MGA: variants seen among roughly 807,000 people sequenced by gnomAD.
MGA encodes MAX dimerization protein MGA.
A neutral mutation model predicts 261.1 loss-of-function variants in MGA; 40 were observed. The observed-to-expected ratio is 0.15, with a 90% confidence interval of 0.12 to 0.20. The LOEUF is 0.20. Ranked by LOEUF, MGA falls within the 10% of genes least tolerant of loss-of-function variation. MGA has a pLI of 1.00. For synonymous variants in MGA, 1,302 were observed against 1,290.6 expected, an observed-to-expected ratio of 1.01 and a Z score of -0.19; for missense variants, 3,397 against 3,630.5, an observed-to-expected ratio of 0.94 and a Z score of 1.65.
chr15:41,656,617 T>TCCCAAAG (rs951267723), upstream of MGA, among the ~76,000 whole-genome samples: 7 of 151,976 alleles, frequency 4.6e-5, no homozygotes, highest in Non-Finnish European at 8.8e-5. Flanking sequence ...CACCTCAGCC[T>TCCCAAAG]CCCAAAGTTC....
At chr15:41,673,540 CTTTTTTTTTTT>C (rs777334913) in intron 2 of MGA, among the ~76,000 whole-genome samples, 3 of 118,940 alleles carry the variant, frequency 2.5e-5, no homozygotes, top group African/African-American at 9.2e-5. Flanking sequence ...TTCTTTCTTT[CTTTTTTTTTTT>C]TTTTTTTTGA....
intron 1 of MGA, among the ~76,000 whole-genome samples, chr15:41,666,727 C>G (rs2057761812): frequency 6.6e-6 from 1 of 152,320 alleles, no homozygotes; most frequent in South Asian, 2.1e-4. Context: ...TAACATTCCA[C>G]TCTATGGATG....
chr15:41,747,939 C>A (rs373585283), intron 15 of MGA, among the ~76,000 whole-genome samples: 2 of 152,142 alleles, frequency 1.3e-5, no homozygotes, highest in African/African-American at 2.4e-5. Flanking sequence ...CCAAATTAGA[C>A]GTTATTTGAA....
At chr15:41,675,726 G>T (rs2058338692) in intron 2 of MGA, among the ~76,000 whole-genome samples, 1 of 152,022 alleles carries the variant, frequency 6.6e-6, no homozygotes, top group East Asian at 1.9e-4. Flanking sequence ...TTTCCTGTAA[G>T]TAGAAATTCA....
intron 2 of MGA, among the ~76,000 whole-genome samples, chr15:41,676,267 C>T (rs950569067): frequency 6.6e-6 from 1 of 152,122 alleles, no homozygotes; most frequent in Admixed American, 6.5e-5. Context: ...ACTGCAACCT[C>T]CATGTCCTGG....
chr15:41,740,031 C>T, intron 13 of MGA: 1 of 1,613,940 alleles, frequency 6.2e-7, no homozygotes, highest in Non-Finnish European at 8.5e-7. Context: ...ACCTCTCAAC[C>T]CTCAGTACTG....
At chr15:41,723,758 T>C (rs1343155349) in intron 9 of MGA, among the ~76,000 whole-genome samples, 1 of 152,192 alleles carries the variant, frequency 6.6e-6, no homozygotes. Flanking sequence ...ATTTAAAACA[T>C]GTCATAAACA....
At chr15:41,666,499 A>G (rs571089064) in intron 1 of MGA, among the ~76,000 whole-genome samples, 82 of 152,198 alleles carry the variant, frequency 5.4e-4, no homozygotes, top group Non-Finnish European at 1.6e-4. Flanking sequence ...TGCTTGGATG[A>G]TGGGATCATT....
chr15:41,699,013 T>C, intron 4 of MGA, 51 bp from the exon 5 acceptor site: 1 of 1,559,762 alleles, frequency 6.4e-7, no homozygotes, highest in South Asian at 1.2e-5. Context: ...CAACATTCAT[T>C]TGTCTGTAGT....
At chr15:41,684,331 A>G (rs762020491) in intron 2 of MGA, 27 of 444,598 alleles carry the variant, frequency 6.1e-5, no homozygotes, top group Non-Finnish European at 1.1e-4. Flanking sequence ...CATTGATTAC[A>G]TAATGCCAAC....
chr15:41,756,374 A>G (rs183788343), intron 18 of MGA, among the ~76,000 whole-genome samples: 160 of 152,336 alleles, frequency 1.1e-3, no homozygotes, highest in African/African-American at 3.0e-3. Context: ...GACTTTACCA[A>G]TTCACACCCA....
chr15:41,749,663 A>G lies in MGA; in HGVS notation c.6056A>G (p.Glu2019Gly). Residue 2019 changes from glutamate (E) to glycine (G), a missense_variant, in exon 17 of 24, where the codon GAA becomes GGA. By Grantham distance (98) the Glu-to-Gly change is moderately conservative (BLOSUM62 -2). Transcript: ENST00000219905. ...AACTCAGGAGCTGCTACCTCAGAAG[A>G]AACTCTGAATGATTCCTTGGAAGAT... The G allele has an allele frequency of 6.2e-7, 1 of 1,614,036 alleles. No individual in the cohort carries two copies. The highest frequency in any genetic ancestry group is 8.5e-7 in the Non-Finnish European group (1 of 1,179,904).
At chr15:41,630,961 A>G (rs902132385) in intron 1 of MGA, among the ~76,000 whole-genome samples, 3 of 152,320 alleles carry the variant, frequency 2.0e-5, no homozygotes, top group East Asian at 3.9e-4. Flanking sequence ...TTGTCATTCA[A>G]TCATAAGCAT....
chr15:41,678,593 G>T (rs529810129), intron 2 of MGA, among the ~76,000 whole-genome samples: 22 of 151,098 alleles, frequency 1.5e-4, no homozygotes, highest in African/African-American at 5.3e-4. Context: ...GTGAAACCCT[G>T]TCTCTACTAA....
chr15:41,751,182 T>G (rs2062810590), intron 17 of MGA: 1 of 152,304 alleles, frequency 6.6e-6, no homozygotes, highest in Admixed American at 6.5e-5. Context: ...TCGTCCTTTG[T>G]AATATGACCT....
chr15:41,701,131 T>C (rs1032327283), intron 5 of MGA, among the ~76,000 whole-genome samples: 1 of 152,224 alleles, frequency 6.6e-6, no homozygotes, highest in Non-Finnish European at 1.5e-5. Context: ...AGCTTTAGCT[T>C]CTGCTATTTT....
chr15:41,759,682 T>C (rs2063347276), intron 19 of MGA, among the ~76,000 whole-genome samples: 1 of 152,158 alleles, frequency 6.6e-6, no homozygotes, highest in South Asian at 2.1e-4. Flanking sequence ...CTTTAAGCCT[T>C]TCTGGGGATC....
At chr15:41,765,116 T>G in intron 23 of MGA, 54 bp downstream of exon 23, 2 of 1,574,970 alleles carry the variant, frequency 1.3e-6, no homozygotes, top group Non-Finnish European at 1.7e-6. Context: ...CCCTAACATC[T>G]CACGGTGACC....
At chr15:41,707,974 T>C in intron 6 of MGA, 115 bp downstream of exon 6, 1 of 1,396,054 alleles carries the variant, frequency 7.2e-7, no homozygotes, top group Non-Finnish European at 9.7e-7. Flanking sequence ...CTAAGATAGA[T>C]CTTTTGTCTG....
Sources: gnomAD v4.1 joint callset for allele counts (sites outside exome capture counted in the v4.1 genomes callset) on GRCh38, gnomAD v4.1.1 for gene constraint, MANE v1.5 for transcripts, NCBI Gene and HGNC (gene_info 2026-07-23, HGNC 2026-07-21) for gene names.